Variants in MMS22L observed in about 807,000 individuals in gnomAD.
MMS22L encodes protein MMS22-like.
MMS22L carries 74 observed loss-of-function variants against 159.1 expected under a neutral mutation model. The observed-to-expected ratio is 0.47, with a 90% CI of 0.39 to 0.56. The LOEUF is 0.56. MMS22L is among the 20% of genes least tolerant of loss of function. The pLI, the probability that MMS22L is intolerant of heterozygous loss-of-function variation, is 0.00. For missense variants in MMS22L, 1,351 were observed against 1,422.1 expected (o/e 0.95, Z 0.80); for synonymous variants, 517 against 506.9 (o/e 1.02, Z -0.27).
At chr6:97,228,736 G>A (rs1810520214) in intron 14 of MMS22L, among the ~76,000 whole-genome samples, 158 bp downstream of exon 14, 1 of 152,082 alleles carries the variant, frequency 6.6e-6, no homozygotes, top group South Asian at 2.1e-4. Flanking sequence ...TATTCAACCT[G>A]TACTGATTTA....
intron 14 of MMS22L, among the ~76,000 whole-genome samples, chr6:97,203,547 C>A (rs56028211): frequency 2.0e-5 from 3 of 152,210 alleles, no homozygotes; most frequent in African/African-American, 7.2e-5. Context: ...AGATAAGCTG[C>A]AGAACCAGCT....
intron 4 of MMS22L, among the ~76,000 whole-genome samples, chr6:97,277,385 G>A (rs1816337727): frequency 6.6e-6 from 1 of 152,110 alleles, no homozygotes; most frequent in Admixed American, 6.5e-5. Flanking sequence ...CTGCACTCCA[G>A]CCTGGGTGAC....
At chr6:97,253,394 T>G (rs1018573197) in intron 10 of MMS22L, 3 of 151,992 alleles carry the variant, frequency 2.0e-5, no homozygotes, top group Admixed American at 1.3e-4. Context: ...ACCAAGGAAC[T>G]TTTTAAAAAT....
intron 11 of MMS22L, 25 bp from the exon 12 acceptor site, chr6:97,234,005 G>A (rs556118138): frequency 3.1e-6 from 5 of 1,601,368 alleles, no homozygotes; most frequent in Admixed American, 3.5e-5. Flanking sequence ...GAAGTTATGA[G>A]AAGGTAAATG....
chr6:97,178,310 T>C, intron 18 of MMS22L, 133 bp downstream of exon 18: 2 of 659,148 alleles, frequency 3.0e-6, no homozygotes, highest in Non-Finnish European at 4.8e-6. Context: ...CAGAACTTTA[T>C]AATAGCAGGC....
Position 97,229,333 on chromosome 6 carries a change from G to A in MMS22L, c.1600C>T (p.Leu534Phe), listed in dbSNP as rs778645197. 1.2e-6 allele frequency: 2 copies of A among 1,612,090 alleles called. No individual in the cohort carries two copies. The highest frequency in any genetic ancestry group is 3.4e-5 in the Admixed American group (2 of 59,532). The change falls in exon 14 of 25, where the codon CTT (leucine) becomes TTT (phenylalanine). Residue 534 changes from leucine to phenylalanine, a missense_variant. Transcript: ENST00000683635. Reference sequence around the variant, plus strand: ...GCAACAGCTGCTAACAGTAGAAAAAGGCTAAAAAAGTTCTGTAGACCAACT... The same window carrying A: ...GCAACAGCTGCTAACAGTAGAAAAAAGCTAAAAAAGTTCTGTAGACCAACT... ...TEVGLQNFFS[L>F]FLLLAAVAEV... is the part of the protein sequence containing the mutation.
At chr6:97,156,354 G>A (rs1031684949) in intron 22 of MMS22L, among the ~76,000 whole-genome samples, 1 of 152,100 alleles carries the variant, frequency 6.6e-6, no homozygotes, top group African/African-American at 2.4e-5. Context: ...GGCTTTTGTT[G>A]CCGTTGCTTT....
chr6:97,283,274 A>T (rs1816940877), upstream of MMS22L: 1 of 152,150 alleles, frequency 6.6e-6, no homozygotes, highest in Non-Finnish European at 1.5e-5. Flanking sequence ...ATCTGCGCGG[A>T]AACAGTCGGA....
chr6:97,209,958 A>G (rs1306729970), intron 14 of MMS22L, among the ~76,000 whole-genome samples: 1 of 151,924 alleles, frequency 6.6e-6, no homozygotes, highest in Non-Finnish European at 1.5e-5. Context: ...TCCATTTCCT[A>G]TATCAACTTT....
intron 14 of MMS22L, among the ~76,000 whole-genome samples, chr6:97,188,038 T>G (rs1805435038): frequency 6.6e-6 from 1 of 152,204 alleles, no homozygotes; most frequent in Admixed American, 6.5e-5. Context: ...TGCTATGTCC[T>G]CTCTGTAAAA....
intron 14 of MMS22L, among the ~76,000 whole-genome samples, chr6:97,204,716 G>A (rs922004754): frequency 2.7e-5 from 4 of 148,686 alleles, no homozygotes; most frequent in Admixed American, 6.8e-5. Context: ...GACCACTTGA[G>A]CCAGGGAGAT....
intron 11 of MMS22L, among the ~76,000 whole-genome samples, chr6:97,238,561 G>T (rs201570874): frequency 4.0e-5 from 5 of 125,946 alleles, no homozygotes; most frequent in Non-Finnish European, 5.0e-5. Flanking sequence ...GGCTCTCAGC[G>T]TGTCTCATCT....
At chr6:97,176,196 G>A (rs1023130604) in intron 18 of MMS22L, among the ~76,000 whole-genome samples, 3 of 152,016 alleles carry the variant, frequency 2.0e-5, no homozygotes, top group Non-Finnish European at 2.9e-5. Flanking sequence ...ATCTTGGGCC[G>A]CAGTGTTGAT....
intron 21 of MMS22L, among the ~76,000 whole-genome samples, chr6:97,162,514 G>T (rs1802555149): frequency 6.6e-6 from 1 of 151,626 alleles, no homozygotes; most frequent in Non-Finnish European, 1.5e-5. Context: ...CCTCCATTGG[G>T]TCCTCAATGC....
chr6:97,178,030 G>A lies in MMS22L; in HGVS notation c.2679+413C>T, dbSNP rs561699568. Among the ~76,000 whole-genome samples the A allele has an allele frequency of 2.6e-5, 4 of 152,270 alleles. No individual in the cohort carries two copies. In the South Asian group the frequency reaches 8.3e-4, roughly 32 times the overall value. Reference sequence around the variant, plus strand: ...TGCTCCAACTATACTATCATACGAAGTAGATGGTGCTTATGCCTACACTGT... The same window carrying A: ...TGCTCCAACTATACTATCATACGAAATAGATGGTGCTTATGCCTACACTGT... On this transcript the variant is annotated intron_variant, in intron 18 of 24. Transcript: ENST00000683635.
rs926071819 is a variant in MMS22L at position 97,165,583 on chromosome 6, C to T, written c.3010-126G>A. On this transcript the variant is annotated intron_variant, in intron 20 of 24. Coordinates refer to ENST00000683635, the MANE Select transcript of MMS22L (RefSeq NM_001350599.2). ...GAGAATATAAAAATCAAAAAGGATA[C>T]CTCACGTAATCCACAGATAATGTAC... 3.9e-6 allele frequency: 3 copies of T among 778,688 alleles called. No homozygotes were observed. The African/African-American group carries it at 5.3e-5, about 14-fold the overall frequency. The allele number at this position is 778,688 out of a possible 1,614,324, so 48.2% of individuals were successfully genotyped here. A position where few individuals can be genotyped will look rare whatever the true frequency, so the allele number is the denominator to read the frequency against.
chr6:97,180,833 A>G (rs538242737), intron 16 of MMS22L, among the ~76,000 whole-genome samples: 1 of 152,326 alleles, frequency 6.6e-6, no homozygotes, highest in South Asian at 2.1e-4. Context: ...CTGAAAGCCC[A>G]ATGAAAAAAT....
At chr6:97,163,703 C>G (rs1316575757) in intron 21 of MMS22L, among the ~76,000 whole-genome samples, 1 of 151,952 alleles carries the variant, frequency 6.6e-6, no homozygotes, top group Non-Finnish European at 1.5e-5. Context: ...GCAAATTGAG[C>G]TGTACAGGGC....
intron 20 of MMS22L, among the ~76,000 whole-genome samples, chr6:97,166,382 T>C (rs1802958601): frequency 1.3e-5 from 2 of 152,168 alleles, no homozygotes; most frequent in African/African-American, 4.8e-5. Flanking sequence ...TAATTTAAAA[T>C]GTTTGAAGTC....
Sources: allele counts gnomAD v4.1 joint callset (sites outside exome capture counted in the v4.1 genomes callset), GRCh38; gene constraint gnomAD v4.1.1; transcripts MANE v1.5; gene names NCBI Gene and HGNC (gene_info 2026-07-23, HGNC 2026-07-21).